The following SLC4A4 variants were observed in gnomAD, a reference collection of about 807,000 sequenced individuals.
SLC4A4 encodes the protein solute carrier family 4 member 4.
Under a neutral mutation model 111.5 loss-of-function variants are expected in SLC4A4, and 27 were observed. That is an observed-to-expected ratio of 0.24 (90% CI 0.18 to 0.33). The LOEUF (loss-of-function observed/expected upper bound fraction) is 0.33, where lower values mean the gene tolerates loss of function less well. Among genes scored for constraint, SLC4A4 ranks in the 10% least tolerant of loss-of-function variants. The pLI, the probability that SLC4A4 is intolerant of heterozygous loss-of-function variation, is 1.00. For missense variants in SLC4A4, 909 were observed against 1,315.5 expected (o/e 0.69, Z 4.78); for synonymous variants, 443 against 463.4 (o/e 0.96, Z 0.57).
chr4:71,162,960 C>T (rs572468378), intron 2 of SLC4A4, among the ~76,000 whole-genome samples: 5 of 152,160 alleles, frequency 3.3e-5, no homozygotes, highest in Non-Finnish European at 7.4e-5. Flanking sequence ...TACTATGGTT[C>T]GTCATGAGGA....
At position 71,544,056 on chromosome 4, in the gene SLC4A4, C is replaced by T. The variant is rs571079734; in HGVS notation, c.2443-2294C>T. ...AATACAGAGAAAAAAAGATACAGTC[C>T]GGTCCTCATATTACTTACAGTCTAA... On this transcript the variant is annotated intron_variant, in intron 18 of 25. Transcript: ENST00000264485. 3.3e-5 allele frequency among the ~76,000 whole-genome samples: 5 copies of T among 152,054 alleles called. No individual in the cohort carries two copies. The South Asian group carries it at 6.2e-4, about 19-fold the overall frequency.
At chr4:71,160,208 T>C (rs1022556890) in intron 2 of SLC4A4, among the ~76,000 whole-genome samples, 17 of 152,188 alleles carry the variant, frequency 1.1e-4, no homozygotes, top group Non-Finnish European at 1.9e-4. Context: ...AGTCTGATTC[T>C]ATAGTTACTA....
chr4:71,362,090 C>G (rs909727081), intron 6 of SLC4A4, among the ~76,000 whole-genome samples: 4 of 152,152 alleles, frequency 2.6e-5, no homozygotes, highest in African/African-American at 9.7e-5. Flanking sequence ...TCACCTTTTT[C>G]TACCTTTGTA....
intron 1 of SLC4A4, among the ~76,000 whole-genome samples, chr4:71,227,973 C>T (rs922513604): frequency 1.3e-5 from 2 of 152,286 alleles, no homozygotes; most frequent in South Asian, 4.2e-4. Flanking sequence ...AGAAGCAGCA[C>T]ACGGTCTTTG....
At chr4:71,541,135 G>C (rs1735017405) in intron 18 of SLC4A4, among the ~76,000 whole-genome samples, 1 of 152,124 alleles carries the variant, frequency 6.6e-6, no homozygotes, top group South Asian at 2.1e-4. Flanking sequence ...GAGTGGAGAT[G>C]AGAGCAAAAT....
intron 3 of SLC4A4, among the ~76,000 whole-genome samples, chr4:71,316,644 A>T (rs954010722): frequency 6.6e-6 from 1 of 152,106 alleles, no homozygotes; most frequent in African/African-American, 2.4e-5. Flanking sequence ...TGCTGCACCT[A>T]TCAACCCATC....
intron 8 of SLC4A4, 53 bp downstream of exon 8, chr4:71,440,826 C>T: frequency 5.2e-5 from 81 of 1,567,964 alleles, no homozygotes; most frequent in Non-Finnish European, 6.8e-5. Flanking sequence ...GTTATCTCCT[C>T]CCATTCAGGC....
In SLC4A4 at chr4:71,204,998, G is replaced by A. The variant is rs955531426; in HGVS notation, c.-2+17597G>A. Among the ~76,000 whole-genome samples the A allele has an allele frequency of 2.6e-5, 4 of 152,324 alleles. No homozygotes were observed. In the South Asian group the frequency reaches 8.3e-4, roughly 32 times the overall value. On this transcript the variant is annotated intron_variant, in intron 1 of 25. Coordinates refer to ENST00000264485, the MANE Select transcript of SLC4A4 (RefSeq NM_001098484.3). ...ACGCATACATCCTGAGGAGACTGAGGTCATGGGTGATGGTGTGACAGGACC... is the reference window on the plus strand; with the variant it reads ...ACGCATACATCCTGAGGAGACTGAGATCATGGGTGATGGTGTGACAGGACC...
Position 71,450,551 on chromosome 4 carries a change from A to G in SLC4A4, c.1208+8A>G. The G allele has an allele frequency of 6.2e-7, 1 of 1,612,338 alleles. No homozygotes were observed. Among genetic ancestry groups the G allele is most frequent in the Non-Finnish European group, 8.5e-7 (1 of 1,179,100 alleles). On this transcript the variant is annotated splice_region_variant and intron_variant, in intron 10 of 25. Coordinates refer to ENST00000264485, the MANE Select transcript of SLC4A4 (RefSeq NM_001098484.3). ...TCCATCCTCTGACAAAAGGTAAATT[A>G]TAGGCAGTTGATAATTTTCAGTAGC...
chr4:71,349,797 C>G lies in SLC4A4; in HGVS notation c.390-115C>G, dbSNP rs529931065. On this transcript the variant is annotated intron_variant, in intron 4 of 25. Transcript: ENST00000264485. Reference sequence around the variant, plus strand: ...GATCTAATAAGCTATTAATACTCCACAAAAAGAGACATTTTGGAAGTGCTG... The same window carrying G: ...GATCTAATAAGCTATTAATACTCCAGAAAAAGAGACATTTTGGAAGTGCTG... 25 of 897,282 alleles carry G rather than the reference C, an allele frequency of 2.8e-5. No individual in the cohort carries two copies. The African/African-American group carries it at 4.1e-4, about 15-fold the overall frequency. 55.6% of individuals were successfully genotyped at this position (897,282 alleles called of 1,614,324 possible).
intron 7 of SLC4A4, 141 bp downstream of exon 7, chr4:71,397,794 G>A: frequency 2.6e-6 from 2 of 757,952 alleles, no homozygotes; most frequent in Non-Finnish European, 4.7e-6. Flanking sequence ...CTGGGCAGAA[G>A]GAGAAGCAGT....
intron 3 of SLC4A4, among the ~76,000 whole-genome samples, chr4:71,298,737 G>A (rs1246432395): frequency 6.6e-6 from 1 of 152,176 alleles, no homozygotes; most frequent in East Asian, 1.9e-4. Flanking sequence ...ATGGGAAGTA[G>A]TTCAGGTTCA....
chr4:71,466,719 G>A (rs566874090), intron 13 of SLC4A4, 142 bp downstream of exon 13: 3 of 850,016 alleles, frequency 3.5e-6, no homozygotes, highest in African/African-American at 1.7e-5. Flanking sequence ...AGGTGAAAGG[G>A]CCTTAGCAAT....
intron 7 of SLC4A4, among the ~76,000 whole-genome samples, chr4:71,424,703 A>G (rs959277000): frequency 2.6e-5 from 4 of 152,174 alleles, no homozygotes; most frequent in African/African-American, 7.2e-5. Context: ...GACATGGATG[A>G]AATTGGAAAT....
intron 2 of SLC4A4, among the ~76,000 whole-genome samples, chr4:71,132,848 C>T (rs1245825031): frequency 6.6e-6 from 1 of 152,146 alleles, no homozygotes; most frequent in African/African-American, 2.4e-5. Flanking sequence ...TCATTGTCCT[C>T]TTTGGGATAT....
At chr4:71,378,820 TC>T (rs1231967332) in intron 6 of SLC4A4, among the ~76,000 whole-genome samples, 3 of 152,192 alleles carry the variant, frequency 2.0e-5, no homozygotes, top group African/African-American at 7.2e-5. Flanking sequence ...TTTAGACTTG[TC>T]CTGGTAATTC....
chr4:71,550,544 T>C (rs1182149409), intron 20 of SLC4A4, among the ~76,000 whole-genome samples: 1 of 151,938 alleles, frequency 6.6e-6, no homozygotes, highest in African/African-American at 2.4e-5. Context: ...GAAACCTTTT[T>C]TCCTCCCCTT....
chr4:71,151,020 C>G lies in SLC4A4; in HGVS notation c.-2+58228C>G, dbSNP rs530858315. 4.6e-5 allele frequency among the ~76,000 whole-genome samples: 7 copies of G among 152,318 alleles called. No homozygotes were observed. The South Asian group carries it at 1.2e-3, about 27-fold the overall frequency. ...TGAAAATATCCTGTGCTGTTCAATACAGTAGCCACTAGCCCCATGTGGCTG... is the reference window on the plus strand; with the variant it reads ...TGAAAATATCCTGTGCTGTTCAATAGAGTAGCCACTAGCCCCATGTGGCTG... On this transcript the variant is annotated intron_variant, in intron 2 of 26. Transcript: ENST00000649996.
chr4:71,157,913 A>C (rs1744519914), intron 2 of SLC4A4, among the ~76,000 whole-genome samples: 1 of 152,304 alleles, frequency 6.6e-6, no homozygotes, highest in East Asian at 1.9e-4. Context: ...GTTAACACCC[A>C]CCTGCCTTAA....
Sources: gnomAD v4.1 joint callset for allele counts (sites outside exome capture counted in the v4.1 genomes callset) on GRCh38, gnomAD v4.1.1 for gene constraint, MANE v1.5 for transcripts, NCBI Gene and HGNC (gene_info 2026-07-23, HGNC 2026-07-21) for gene names.